Variants in ARHGEF28 observed in about 807,000 individuals in gnomAD.
The protein encoded by ARHGEF28 is 190 kDa guanine nucleotide exchange factor.
A neutral mutation model predicts 206.6 loss-of-function variants in ARHGEF28; 152 were observed. The ratio of observed to expected loss-of-function variants is 0.74; its 90% CI spans 0.64 to 0.84. The LOEUF is 0.84. Among genes scored for constraint, ARHGEF28 ranks in the 40% least tolerant of loss-of-function variants. ARHGEF28 has a pLI of 0.00. For synonymous variants in ARHGEF28, 763 were observed against 776.4 expected, an observed-to-expected ratio of 0.98 and a Z score of 0.29; for missense variants, 2,028 against 2,073.2, an observed-to-expected ratio of 0.98 and a Z score of 0.42.
In ARHGEF28 at chr5:73,651,579, A is replaced by G. The variant is rs568104048; in HGVS notation, c.-12+25257A>G. 2.2e-4 allele frequency among the ~76,000 whole-genome samples: 34 copies of G among 152,312 alleles called. No individual in the cohort carries two copies. The South Asian group carries it at 4.4e-3, about 19-fold the overall frequency. On this transcript the variant is annotated intron_variant, in intron 1 of 35. Transcript: ENST00000513042. ...CTGGTGTGTAGAAAACCTGCAGTCA[A>G]TGACAGCTTGTTGTTATTTCTTGTG... is the stretch of plus-strand genomic sequence containing the variant.
chr5:73,869,753 A>G (rs529254235), intron 20 of ARHGEF28, among the ~76,000 whole-genome samples: 36 of 152,062 alleles, frequency 2.4e-4, no homozygotes, highest in Non-Finnish European at 5.3e-4. Flanking sequence ...CCAAAAATAT[A>G]AAAACTAAGC....
At position 73,749,876 on chromosome 5, in the gene ARHGEF28, T is replaced by G. The variant is rs1751935457; in HGVS notation, c.73T>G (p.Tyr25Asp). 6.2e-7 allele frequency: 1 copy of G among 1,614,070 alleles called. No individual in the cohort carries two copies. ...CTATGCGAAGTTTGACAAAAATGTG[T>G]ATCTTCCTGAAGATGCTGAGTTTTA... ...MIYAKFDKNVYLPEDAEFYFT... is the reference protein window; with the variant it reads ...MIYAKFDKNVDLPEDAEFYFT... The change falls in exon 3 of 36, where the codon TAT (tyrosine) becomes GAT (aspartate). Residue 25 changes from tyrosine to aspartate, a missense_variant. Transcript: ENST00000513042.
At chr5:73,892,341 C>T in intron 27 of ARHGEF28, 111 bp downstream of exon 27, 3 of 1,215,330 alleles carry the variant, frequency 2.5e-6, no homozygotes, top group South Asian at 1.6e-5. Flanking sequence ...ATGGTCTGCC[C>T]CCTGCCCCCT....
At chr5:73,796,563 G>A (rs1225245662) in intron 9 of ARHGEF28, among the ~76,000 whole-genome samples, 3 of 152,240 alleles carry the variant, frequency 2.0e-5, no homozygotes, top group Non-Finnish European at 2.9e-5. Context: ...AAATCATGCT[G>A]TGTAGAGCAG....
At chr5:73,694,768 ATGAAGGT>A (rs547944529) in intron 2 of ARHGEF28, among the ~76,000 whole-genome samples, 1 of 152,202 alleles carries the variant, frequency 6.6e-6, no homozygotes, top group Non-Finnish European at 1.5e-5. Flanking sequence ...AACGGATCTT[ATGAAGGT>A]CACTAAGTTT....
rs926525590 is a variant in ARHGEF28 at position 73,941,911 on chromosome 5, T to C, written c.*898T>C. 1 of 152,156 alleles carries C rather than the reference T, an allele frequency of 6.6e-6. No homozygotes were observed. Among genetic ancestry groups the C allele is most frequent in the African/African-American group, 2.4e-5 (1 of 41,442 alleles). 9.4% of individuals were successfully genotyped at this position (152,156 alleles called of 1,614,324 possible). On this transcript the variant is annotated 3_prime_UTR_variant, in exon 36 of 36. Transcript: ENST00000513042. ...GCCTTCCGAGTAGTATGGGTCTCTG[T>C]GTGAGAAACCAGGAGATATTTTCAT... is the stretch of plus-strand genomic sequence containing the variant.
intron 2 of ARHGEF28, among the ~76,000 whole-genome samples, chr5:73,706,449 GAA>G (rs375357547): frequency 6.8e-6 from 1 of 147,180 alleles, no homozygotes; most frequent in East Asian, 2.0e-4. Context: ...ATATAACATT[GAA>G]AAAAAAAAGA....
At chr5:73,643,414 A>G (rs1230571324) in intron 1 of ARHGEF28, among the ~76,000 whole-genome samples, 1 of 152,250 alleles carries the variant, frequency 6.6e-6, no homozygotes. Context: ...TAACTAGTGC[A>G]ATTTAGTGGT....
At chr5:73,913,740 T>C (rs1185249296) in intron 35 of ARHGEF28, among the ~76,000 whole-genome samples, 1 of 152,232 alleles carries the variant, frequency 6.6e-6, no homozygotes, top group East Asian at 1.9e-4. Context: ...CAGTGACCAC[T>C]ACTGAGGATC....
At chr5:73,912,071 T>TAA (rs200945214) in intron 35 of ARHGEF28, among the ~76,000 whole-genome samples, 4 of 140,050 alleles carry the variant, frequency 2.9e-5, no homozygotes, top group Admixed American at 7.2e-5. Context: ...TTTGTCATTG[T>TAA]AAAAAAAAAA....
chr5:73,793,504 G>A lies in ARHGEF28; in HGVS notation c.911-898G>A, dbSNP rs1038439779. Among the ~76,000 whole-genome samples, 5 of 152,174 alleles carry A rather than the reference G, an allele frequency of 3.3e-5. No individual in the cohort carries two copies. In the South Asian group the frequency reaches 6.2e-4, roughly 19 times the overall value. On this transcript the variant is annotated intron_variant, in intron 7 of 35. Transcript: ENST00000513042. Reference sequence around the variant, plus strand: ...GAAGGTCTAGGTAATGAACCTGCTGGAAAACTTCAGGCGTTTCCCCAGGAT... The same window carrying A: ...GAAGGTCTAGGTAATGAACCTGCTGAAAAACTTCAGGCGTTTCCCCAGGAT...
At chr5:73,701,924 CT>C (rs1580501919) in intron 2 of ARHGEF28, among the ~76,000 whole-genome samples, 1 of 152,096 alleles carries the variant, frequency 6.6e-6, no homozygotes, top group African/African-American at 2.4e-5. Flanking sequence ...GGTTTTGGCT[CT>C]TATGAATAAA....
At chr5:73,799,980 T>C (rs546210267) in intron 9 of ARHGEF28, among the ~76,000 whole-genome samples, 1 of 152,176 alleles carries the variant, frequency 6.6e-6, no homozygotes, top group African/African-American at 2.4e-5. Flanking sequence ...TTAAGCATAG[T>C]ATCTTGCAAA....
chr5:73,940,100 A>G (rs1432412380), intron 35 of ARHGEF28, among the ~76,000 whole-genome samples: 1 of 152,194 alleles, frequency 6.6e-6, no homozygotes, highest in Non-Finnish European at 1.5e-5. Flanking sequence ...CAGTGGAACA[A>G]GTGCAGGGAA....
rs1757357549 is a variant in ARHGEF28, at chr5:73,832,461, TA to T, written c.1146+4del. Reference sequence around the variant, plus strand: ...GCTAACTGTATGGTGATTGATCAGGTAAGGCCCAACTGACATTACAGGATGA... The same window carrying T: ...GCTAACTGTATGGTGATTGATCAGGTAGGCCCAACTGACATTACAGGATGA... On this transcript the variant is annotated splice_donor_region_variant and intron_variant, in intron 10 of 35. Coordinates refer to ENST00000513042, the MANE Select transcript of ARHGEF28 (RefSeq NM_001177693.2). 1 of 1,611,700 alleles carries T rather than the reference TA, an allele frequency of 6.2e-7. No homozygotes were observed. The highest frequency in any genetic ancestry group is 1.3e-5 in the African/African-American group (1 of 74,910).
intron 2 of ARHGEF28, among the ~76,000 whole-genome samples, chr5:73,703,575 C>T (rs1230013241): frequency 6.6e-6 from 1 of 151,862 alleles, no homozygotes; most frequent in Non-Finnish European, 1.5e-5. Context: ...ATAGACTTTG[C>T]CTGCTTTCCT....
Position 73,940,944 on chromosome 5 carries a change from G to A in ARHGEF28, c.5049G>A (p.Pro1683=), listed in dbSNP as rs1375179279. ...TAACAGAAGCAAAGCTAAATCTACC[G>A]ACAAGGACAATGACCAGACAAGATG... ...AFITEAKLNL[P]TRTMTRQDGE... is the part of the protein sequence containing the mutation. Residue 1683 remains proline, a synonymous_variant, in exon 36 of 36, where the codon CCG becomes CCA. Coordinates refer to ENST00000513042, the MANE Select transcript of ARHGEF28 (RefSeq NM_001177693.2). 4.6e-5 allele frequency: 71 copies of A among 1,534,138 alleles called. No individual in the cohort carries two copies. The highest frequency in any genetic ancestry group is 8.2e-5 in the African/African-American group (6 of 72,944).
intron 1 of ARHGEF28, among the ~76,000 whole-genome samples, chr5:73,630,970 A>G (rs916333505): frequency 3.9e-5 from 6 of 152,210 alleles, no homozygotes; most frequent in Non-Finnish European, 8.8e-5. Context: ...CCAGACAGTC[A>G]TCAGGTTTAA....
chr5:73,867,101 A>G (rs1256861227), intron 18 of ARHGEF28, among the ~76,000 whole-genome samples: 1 of 152,182 alleles, frequency 6.6e-6, no homozygotes, highest in Non-Finnish European at 1.5e-5. Context: ...AATAAATAGT[A>G]TCTTAGAATT....
Sources: gnomAD v4.1 joint callset for allele counts (sites outside exome capture counted in the v4.1 genomes callset) on GRCh38, gnomAD v4.1.1 for gene constraint, MANE v1.5 for transcripts, NCBI Gene and HGNC (gene_info 2026-07-23, HGNC 2026-07-21) for gene names.